Variants in CDH18 observed in about 807,000 individuals in gnomAD.
The protein encoded by CDH18 is cadherin 18, also known as cadherin-18.
CDH18 carries 31 observed loss-of-function variants against 67.9 expected under a neutral mutation model. The observed-to-expected ratio is 0.46, with a 90% confidence interval of 0.34 to 0.62. The LOEUF (loss-of-function observed/expected upper bound fraction) is 0.62, where lower values mean the gene tolerates loss of function less well. Ranked by LOEUF, CDH18 falls within the 20% of genes least tolerant of loss-of-function variation. The probability of loss-of-function intolerance (pLI) is 0.01; values close to 1 mark genes in which losing one functional copy is unlikely to be tolerated. For missense variants in CDH18, 890 were observed against 975.5 expected (o/e 0.91, Z 1.17); for synonymous variants, 362 against 347.2 (o/e 1.04, Z -0.48).
intron 1 of CDH18, among the ~76,000 whole-genome samples, chr5:20,573,417 T>C (rs1581219524): frequency 6.6e-6 from 1 of 151,804 alleles, no homozygotes; most frequent in Non-Finnish European, 1.5e-5. Context: ...CTGAACTGTA[T>C]AAAACAACTT....
intron 2 of CDH18, among the ~76,000 whole-genome samples, chr5:20,209,803 G>C (rs776849327): frequency 7.2e-6 from 1 of 138,322 alleles, no homozygotes; most frequent in Middle Eastern, 3.4e-3. Flanking sequence ...ATACTGGGGA[G>C]CCCAATTACC....
intron 2 of CDH18, among the ~76,000 whole-genome samples, chr5:19,877,532 T>G (rs1787163368): frequency 6.6e-6 from 1 of 152,118 alleles, no homozygotes; most frequent in African/African-American, 2.4e-5. Context: ...AAGAATTCAG[T>G]GTAGCTATTA....
intron 1 of CDH18, among the ~76,000 whole-genome samples, chr5:20,471,833 T>TTAA (rs757184101): frequency 1.2e-4 from 6 of 51,500 alleles, no homozygotes; most frequent in African/African-American, 3.2e-4. Flanking sequence ...AGATTCAGTC[T>TTAA]AAAAAAAAAA....
intron 5 of CDH18, among the ~76,000 whole-genome samples, chr5:19,716,653 A>T (rs114639679): frequency 7.9e-4 from 120 of 152,154 alleles, no homozygotes; most frequent in African/African-American, 2.6e-3. Flanking sequence ...GACTGACAAA[A>T]TATTTGAAGT....
intron 2 of CDH18, among the ~76,000 whole-genome samples, chr5:19,912,292 T>C (rs1348476130): frequency 6.6e-6 from 1 of 152,098 alleles, no homozygotes; most frequent in Non-Finnish European, 1.5e-5. Context: ...TCACATGAAG[T>C]TTCCTTAAAG....
chr5:20,388,147 A>G (rs1475460840), intron 1 of CDH18, among the ~76,000 whole-genome samples: 1 of 152,212 alleles, frequency 6.6e-6, no homozygotes, highest in Non-Finnish European at 1.5e-5. Flanking sequence ...GAATGGCACC[A>G]GTTCCTCCTT....
At chr5:20,453,604 T>C (rs962946021) in intron 1 of CDH18, among the ~76,000 whole-genome samples, 14 of 151,798 alleles carry the variant, frequency 9.2e-5, no homozygotes, top group African/African-American at 3.4e-4. Flanking sequence ...TATGTATATA[T>C]ATGTGTGTGT....
intron 2 of CDH18, among the ~76,000 whole-genome samples, chr5:19,951,833 G>A (rs1415722589): frequency 6.6e-6 from 1 of 152,058 alleles, no homozygotes; most frequent in Admixed American, 6.6e-5. Flanking sequence ...GGGGTATCCA[G>A]ATGGTTATAA....
chr5:19,623,569 AT>A (rs1438460154), intron 5 of CDH18, among the ~76,000 whole-genome samples: 1 of 151,900 alleles, frequency 6.6e-6, no homozygotes, highest in African/African-American at 2.4e-5. Flanking sequence ...TCATTGGCAT[AT>A]TTTTATCTTA....
At chr5:19,649,104 CCATTT>C (rs1268657014) in intron 5 of CDH18, among the ~76,000 whole-genome samples, 1 of 152,080 alleles carries the variant, frequency 6.6e-6, no homozygotes, top group Admixed American at 6.6e-5. Flanking sequence ...TCAGGCCTAA[CCATTT>C]TAGAAATCCA....
At chr5:20,458,632 A>AC (rs1751007470) in intron 1 of CDH18, among the ~76,000 whole-genome samples, 1 of 149,142 alleles carries the variant, frequency 6.7e-6, no homozygotes, top group African/African-American at 2.4e-5. Context: ...AACAACAACA[A>AC]GAACAACAAA....
In CDH18 at chr5:20,284,385, TA is replaced by T. The variant is rs1746521199; in HGVS notation, c.-579-28881del. ...CGCACTTACTATGTACTCATAAAAA[TA>T]AAAATTATAAAAATGTTTTAAAAGT... On this transcript the variant is annotated intron_variant, in intron 1 of 14. Transcript: ENST00000507958. Among the ~76,000 whole-genome samples, 3 of 151,914 alleles carry T rather than the reference TA, an allele frequency of 2.0e-5. No homozygotes were observed. The East Asian group carries it at 5.8e-4, about 29-fold the overall frequency.
intron 3 of CDH18, among the ~76,000 whole-genome samples, chr5:19,750,192 T>A (rs2149665122): frequency 6.6e-6 from 1 of 152,214 alleles, no homozygotes; most frequent in African/African-American, 2.4e-5. Flanking sequence ...TATATGATTA[T>A]GATGATAACC....
chr5:20,521,618 G>A (rs1755748041), intron 1 of CDH18, among the ~76,000 whole-genome samples: 1 of 152,238 alleles, frequency 6.6e-6, no homozygotes, highest in East Asian at 1.9e-4. Context: ...GGCAGTAGTT[G>A]AAGGGAGAAA....
chr5:20,019,077 G>A (rs568928548), intron 2 of CDH18, among the ~76,000 whole-genome samples: 2 of 142,388 alleles, frequency 1.4e-5, no homozygotes, highest in Admixed American at 6.8e-5. Flanking sequence ...GATTACAGGC[G>A]TGAGCCACCG....
At chr5:20,380,476 A>T (rs553008444) in intron 1 of CDH18, among the ~76,000 whole-genome samples, 145 of 152,314 alleles carry the variant, frequency 9.5e-4, no homozygotes, top group African/African-American at 3.3e-3. Flanking sequence ...AATGTTAATA[A>T]ATGCCAACTC....
At chr5:19,911,386 A>G (rs2150138850) in intron 2 of CDH18, among the ~76,000 whole-genome samples, 1 of 152,204 alleles carries the variant, frequency 6.6e-6, no homozygotes, top group East Asian at 1.9e-4. Flanking sequence ...AAGGGGAAAG[A>G]TTATACTATT....
At chr5:19,646,787 C>T (rs1377061512) in intron 5 of CDH18, among the ~76,000 whole-genome samples, 3 of 152,012 alleles carry the variant, frequency 2.0e-5, no homozygotes, top group Non-Finnish European at 2.9e-5. Context: ...AATGCTAATA[C>T]AGGGGATGGA....
At position 19,817,699 on chromosome 5, in the gene CDH18, G is replaced by A. The variant is rs182504756; in HGVS notation, c.228+21060C>T. 2.2e-4 allele frequency among the ~76,000 whole-genome samples: 33 copies of A among 152,124 alleles called. No individual in the cohort carries two copies. The East Asian group carries it at 6.4e-3, about 29-fold the overall frequency. On this transcript the variant is annotated intron_variant, in intron 3 of 12. Transcript: ENST00000382275. ...ATTCTACTAGGCAGGCACTATGACAGGTACTGTGTGTATAAAGATACAATA... is the reference window on the plus strand; with the variant it reads ...ATTCTACTAGGCAGGCACTATGACAAGTACTGTGTGTATAAAGATACAATA...
Sources: gnomAD v4.1 joint callset for allele counts (sites outside exome capture counted in the v4.1 genomes callset) on GRCh38, gnomAD v4.1.1 for gene constraint, MANE v1.5 for transcripts, NCBI Gene and HGNC (gene_info 2026-07-23, HGNC 2026-07-21) for gene names.